The following NDE1 variants were observed in gnomAD, a reference collection of about 807,000 sequenced individuals.
NDE1 encodes nudE neurodevelopment protein 1.
A neutral mutation model predicts 43.4 loss-of-function variants in NDE1; 28 were observed. The ratio of observed to expected loss-of-function variants is 0.65; its 90% CI spans 0.48 to 0.89. NDE1 has a LOEUF of 0.89. Among genes scored for constraint, NDE1 ranks in the 40% least tolerant of loss-of-function variants. The pLI, the probability that NDE1 is intolerant of heterozygous loss-of-function variation, is 0.00. For missense variants in NDE1, 441 were observed against 434.1 expected, an observed-to-expected ratio of 1.02 and a Z score of -0.14; for synonymous variants, 184 against 172.0, an observed-to-expected ratio of 1.07 and a Z score of -0.55.
rs538198012 is a variant in NDE1 at position 15,671,840 on chromosome 16, G to T, written c.237+4401G>T. Among the ~76,000 whole-genome samples, 142 of 152,084 alleles carry T rather than the reference G, an allele frequency of 9.3e-4. 3 individuals are homozygous for T. Among genetic ancestry groups the T allele is most frequent in the African/African-American group, 3.1e-3 (130 of 41,496 alleles). ...CAAGTAGCTGAGATTACAGGCACCTGCCACACCACGCCTGGCTAATTTTTG... is the reference window on the plus strand; with the variant it reads ...CAAGTAGCTGAGATTACAGGCACCTTCCACACCACGCCTGGCTAATTTTTG... On this transcript the variant is annotated intron_variant, in intron 3 of 8. Transcript: ENST00000396354.
chr16:15,658,644 A>G (rs778283733), intron 1 of NDE1, among the ~76,000 whole-genome samples: 3 of 152,152 alleles, frequency 2.0e-5, no homozygotes, highest in Non-Finnish European at 4.4e-5. Context: ...GCTTTATATG[A>G]CATTTATTTA....
chr16:15,689,804 G>GT (rs2038636045), intron 5 of NDE1, among the ~76,000 whole-genome samples: 3 of 152,068 alleles, frequency 2.0e-5, no homozygotes, highest in African/African-American at 7.2e-5. Flanking sequence ...GCCAGGTGTG[G>GT]TGGTGCGTGC....
At chr16:15,689,938 CAAAAAAAAA>C (rs34081814) in intron 5 of NDE1, among the ~76,000 whole-genome samples, 14 of 95,086 alleles carry the variant, frequency 1.5e-4, no homozygotes, top group South Asian at 3.4e-4. Flanking sequence ...AACTCCATCT[CAAAAAAAAA>C]AAAAAAAAAA....
chr16:15,694,180 C>G lies in NDE1; in HGVS notation c.719C>G (p.Thr240Ser). 3 of 1,612,932 alleles carry G rather than the reference C, an allele frequency of 1.9e-6. No homozygotes were observed. The highest frequency in any genetic ancestry group is 2.5e-6 in the Non-Finnish European group (3 of 1,180,012). ...GSFRRGLDDSTGGTPLTPAAR... is the reference protein window; with the variant it reads ...GSFRRGLDDSSGGTPLTPAAR... ...GCACACCCAGGCCTGGACGACTCCA[C>G]CGGGGGGACCCCCCTCACACCTGCG... Residue 240 changes from threonine (T) to serine (S), a missense_variant, in exon 7 of 9, where the codon ACC becomes AGC. Transcript: ENST00000396354.
intron 4 of NDE1, 24 bp downstream of exon 4, chr16:15,677,973 G>C: frequency 2.5e-6 from 4 of 1,613,608 alleles, no homozygotes; most frequent in East Asian, 2.2e-5. Flanking sequence ...GGAAAAGCAC[G>C]AGTGGGAGAC....
At chr16:15,707,757 A>C (rs1392869527) in intron 8 of NDE1, among the ~76,000 whole-genome samples, 2 of 152,120 alleles carry the variant, frequency 1.3e-5, no homozygotes, top group Non-Finnish European at 2.9e-5. Context: ...GGATCACCTG[A>C]AGTCAGGAGT....
chr16:15,718,640 GC>G (rs1441753511), intron 8 of NDE1: 4 of 732,984 alleles, frequency 5.5e-6, no homozygotes, highest in Admixed American at 5.8e-5. Context: ...TGTCAGCAAA[GC>G]TGGGATTGGG....
chr16:15,713,689 G>A (rs956232295), intron 8 of NDE1: 1 of 152,190 alleles, frequency 6.6e-6, no homozygotes, highest in African/African-American at 2.4e-5. Context: ...GTAGAGATGG[G>A]GTCTTGCTGC....
At chr16:15,694,281 T>G (rs1211339407) in intron 7 of NDE1, 25 bp downstream of exon 7, 36 of 1,609,822 alleles carry the variant, frequency 2.2e-5, no homozygotes, top group Non-Finnish European at 3.1e-5. Flanking sequence ...TCCTGGCGTT[T>G]GGTGCCTTCC....
At chr16:15,691,647 G>GTTTTT (rs11397970) in intron 6 of NDE1, among the ~76,000 whole-genome samples, 1 of 146,496 alleles carries the variant, frequency 6.8e-6, no homozygotes, top group African/African-American at 2.5e-5. Flanking sequence ...TTTTTGTTGG[G>GTTTTT]TTTTTTTTTT....
Position 15,724,666 on chromosome 16 carries a change from A to T in NDE1, c.*415A>T. ...AGGCACCTGGATGTTGAGAGTGGAGATGTGGCGCTCCAGGTTCTGCTTGGC... is the reference window on the plus strand; with the variant it reads ...AGGCACCTGGATGTTGAGAGTGGAGTTGTGGCGCTCCAGGTTCTGCTTGGC... On this transcript the variant is annotated 3_prime_UTR_variant, in exon 9 of 9. Coordinates refer to ENST00000396354, the MANE Select transcript of NDE1 (RefSeq NM_017668.3). The T allele has an allele frequency of 6.2e-7, 1 of 1,614,110 alleles. No homozygotes were observed. The highest frequency in any genetic ancestry group is 8.5e-7 in the Non-Finnish European group (1 of 1,180,012).
chr16:15,654,528 G>A (rs1236273095), intron 1 of NDE1, among the ~76,000 whole-genome samples: 1 of 146,478 alleles, frequency 6.8e-6, no homozygotes, highest in Non-Finnish European at 1.5e-5. Context: ...TTGAAGCTGC[G>A]AGGCAGAGGT....
chr16:15,718,258 A>T lies in NDE1; in HGVS notation c.948-5933A>T, dbSNP rs1199568816. On this transcript the variant is annotated intron_variant, in intron 8 of 8. Coordinates refer to ENST00000396354, the MANE Select transcript of NDE1 (RefSeq NM_017668.3). ...CCACGCGTGTGTTGACTGGTGCAGG[A>T]TCCTGCTGCAGGAGAGACAGTAGGC... 34 of 1,603,364 alleles carry T rather than the reference A, an allele frequency of 2.1e-5. No homozygotes were observed. The South Asian group carries it at 3.7e-4, about 18-fold the overall frequency.
chr16:15,720,136 C>A, intron 8 of NDE1: 1 of 1,614,134 alleles, frequency 6.2e-7, no homozygotes, highest in South Asian at 1.1e-5. Context: ...GCCCCAAGCT[C>A]CTAGTGTCAC....
At chr16:15,691,071 G>A in intron 5 of NDE1, 73 bp from the exon 6 acceptor site, 1 of 1,598,872 alleles carries the variant, frequency 6.3e-7, no homozygotes, top group Non-Finnish European at 8.6e-7. Context: ...GCCTCCCAAA[G>A]TGCTGGCATT....
upstream of NDE1, among the ~76,000 whole-genome samples, chr16:15,649,632 GT>G (rs2036405097): frequency 6.6e-6 from 1 of 152,146 alleles, no homozygotes; most frequent in African/African-American, 2.4e-5. Flanking sequence ...CCATAATGGC[GT>G]TTTATAGATG....
chr16:15,694,306 G>A, intron 7 of NDE1, 50 bp downstream of exon 7: 1 of 1,598,402 alleles, frequency 6.3e-7, no homozygotes, highest in Non-Finnish European at 8.5e-7. Flanking sequence ...TGTCTTTCAG[G>A]ATGTGTGAAG....
At chr16:15,710,172 A>G (rs1395475304) in intron 8 of NDE1, among the ~76,000 whole-genome samples, 2 of 152,200 alleles carry the variant, frequency 1.3e-5, no homozygotes, top group African/African-American at 4.8e-5. Context: ...TTGGCTGCCC[A>G]AGAAGGCTCA....
chr16:15,667,438 A>G lies in NDE1; in HGVS notation c.236A>G (p.Lys79Arg). 6.2e-7 allele frequency: 1 copy of G among 1,613,756 alleles called. No homozygotes were observed. Among genetic ancestry groups the G allele is most frequent in the Non-Finnish European group, 8.5e-7 (1 of 1,179,828 alleles). The change falls in exon 3 of 9, where the codon AAG becomes AGG. Residue 79 changes from lysine to arginine, a missense_variant and splice_region_variant. Coordinates refer to ENST00000396354, the MANE Select transcript of NDE1 (RefSeq NM_017668.3). The stretch of plus-strand genomic sequence containing the variant: ...CTTCGCATGGAGCTGGAAACCATCA[A>G]GGTGAGGGGCTGAGAGGAAGTGTGC... Reference protein sequence around the residue: ...NRLRMELETIKEKFEVQHSEG... With the variant: ...NRLRMELETIREKFEVQHSEG...
Sources: gnomAD v4.1 joint callset for allele counts (sites outside exome capture counted in the v4.1 genomes callset) on GRCh38, gnomAD v4.1.1 for gene constraint, MANE v1.5 for transcripts, NCBI Gene and HGNC (gene_info 2026-07-23, HGNC 2026-07-21) for gene names.